DPP6: variants seen among roughly 807,000 people sequenced by gnomAD.
The protein encoded by DPP6 is A-type potassium channel modulatory protein DPP6.
Under a neutral mutation model 122.6 loss-of-function variants are expected in DPP6, and 69 were observed. The observed-to-expected ratio is 0.56, with a 90% confidence interval of 0.46 to 0.69. DPP6 has a LOEUF of 0.69. Ranked by LOEUF, DPP6 falls within the 30% of genes least tolerant of loss-of-function variation. The pLI, the probability that DPP6 is intolerant of heterozygous loss-of-function variation, is 0.00. For missense variants in DPP6, 928 were observed against 1,116.9 expected, an observed-to-expected ratio of 0.83 and a Z score of 2.41; for synonymous variants, 418 against 433.1, an observed-to-expected ratio of 0.97 and a Z score of 0.43.
At chr7:153,888,416 G>A (rs969583473) in intron 1 of DPP6, among the ~76,000 whole-genome samples, 2 of 152,194 alleles carry the variant, frequency 1.3e-5, no homozygotes, top group African/African-American at 2.4e-5. Context: ...AGTTCTGCAC[G>A]GATAACTTTC....
At chr7:153,819,683 A>C in the DPP6 span, among the ~76,000 whole-genome samples, 2 of 152,242 alleles carry the variant, frequency 1.3e-5, no homozygotes, top group Admixed American at 6.5e-5. Context: ...TAATTATTTC[A>C]TTTATAAGGA....
At chr7:154,311,816 T>C (rs936488541) in intron 1 of DPP6, among the ~76,000 whole-genome samples, 1 of 152,228 alleles carries the variant, frequency 6.6e-6, no homozygotes, top group Non-Finnish European at 1.5e-5. Context: ...CATACTTGAC[T>C]CTTCTATCAA....
intron 1 of DPP6, among the ~76,000 whole-genome samples, chr7:154,186,189 G>A (rs554385714): frequency 5.3e-5 from 8 of 151,002 alleles, no homozygotes; most frequent in Non-Finnish European, 1.2e-4. Context: ...TGTGTAGATA[G>A]GACTGGGAAC....
chr7:154,617,837 T>A (rs1347251571), intron 5 of DPP6, among the ~76,000 whole-genome samples: 6 of 152,108 alleles, frequency 3.9e-5, no homozygotes, highest in Non-Finnish European at 1.5e-5. Flanking sequence ...GAAGGTTTAG[T>A]AGCACTGGAA....
intron 1 of DPP6, among the ~76,000 whole-genome samples, chr7:154,162,634 TCTGCATTG>T (rs576652124): frequency 2.6e-5 from 4 of 152,264 alleles, no homozygotes; most frequent in African/African-American, 9.6e-5. Flanking sequence ...ACACCTGGAA[TCTGCATTG>T]CTAACATTGA....
At chr7:154,158,625 G>A (rs1459449446) in intron 1 of DPP6, among the ~76,000 whole-genome samples, 2 of 151,820 alleles carry the variant, frequency 1.3e-5, no homozygotes. Context: ...CTGTCTTTAT[G>A]AAACAACATT....
rs146393144 is a variant in DPP6 at position 154,135,936 on chromosome 7, T to A, written c.243+82873T>A. Among the ~76,000 whole-genome samples the A allele has an allele frequency of 5.0e-3, 754 of 151,276 alleles. 5 individuals carry two copies. The highest frequency in any genetic ancestry group is 0.018 in the African/African-American group (721 of 40,562). ...TTCCTGTGAGCCCACACTTCCTCTA[T>A]GCACTTCCTGTGAGCACACACTTCC... On this transcript the variant is annotated intron_variant, in intron 1 of 25. Transcript: ENST00000377770.
intron 1 of DPP6, among the ~76,000 whole-genome samples, chr7:154,070,410 G>A (rs1803034915): frequency 6.6e-6 from 1 of 152,102 alleles, no homozygotes; most frequent in Non-Finnish European, 1.5e-5. Context: ...GAAGATAGTT[G>A]TGATGCATCT....
intron 6 of DPP6, among the ~76,000 whole-genome samples, chr7:154,664,311 T>C (rs1838001565): frequency 6.6e-6 from 1 of 152,272 alleles, no homozygotes; most frequent in Non-Finnish European, 1.5e-5. Flanking sequence ...CTGCATATTA[T>C]TTCCAGTTAG....
chr7:153,953,251 C>T lies in DPP6; in HGVS notation c.51+65517C>T, dbSNP rs543794928. ...TATCTAGTTTGCATTTTATCCTCAACACCACAAGAATTAAATAAGGGTTGG... is the reference window on the plus strand; with the variant it reads ...TATCTAGTTTGCATTTTATCCTCAATACCACAAGAATTAAATAAGGGTTGG... On this transcript the variant is annotated intron_variant, in intron 1 of 25. Coordinates refer to the DPP6 transcript ENST00000404039. Among the ~76,000 whole-genome samples, 7 of 152,210 alleles carry T rather than the reference C, an allele frequency of 4.6e-5. No homozygotes were observed. In the East Asian group the frequency reaches 5.8e-4, roughly 13 times the overall value.
chr7:154,269,569 C>T (rs1170527017), intron 1 of DPP6, among the ~76,000 whole-genome samples: 2 of 152,182 alleles, frequency 1.3e-5, no homozygotes, highest in African/African-American at 4.8e-5. Flanking sequence ...ATGTATTTGA[C>T]AATTGATTTG....
intron 1 of DPP6, among the ~76,000 whole-genome samples, chr7:154,342,447 A>G (rs957436362): frequency 2.0e-5 from 3 of 152,184 alleles, no homozygotes; most frequent in African/African-American, 7.2e-5. Flanking sequence ...AAACTTTGGC[A>G]AAGTAATCAG....
rs867843474 is a variant in DPP6 at position 154,059,814 on chromosome 7, T to C, written c.243+6751T>C. Among the ~76,000 whole-genome samples the C allele has an allele frequency of 2.0e-3, 298 of 148,236 alleles. 2 individuals are homozygous for C. The highest frequency in any genetic ancestry group is 6.6e-3 in the African/African-American group (252 of 38,384). ...ACTGTGGGGCCCTGGCTGAGGCCCG[T>C]AGCCTACGTCTCTAAACAACTAGAC... On this transcript the variant is annotated intron_variant, in intron 1 of 25. Coordinates refer to ENST00000377770, the MANE Select transcript of DPP6 (RefSeq NM_130797.4).
At chr7:154,701,991 AT>A (rs771713551) in intron 7 of DPP6, among the ~76,000 whole-genome samples, 17 of 152,192 alleles carry the variant, frequency 1.1e-4, no homozygotes, top group Admixed American at 3.3e-4. Context: ...TGTTGGGACC[AT>A]TTTTCCATCA....
chr7:154,087,001 AG>A (rs1200241251), intron 1 of DPP6, among the ~76,000 whole-genome samples: 1 of 152,232 alleles, frequency 6.6e-6, no homozygotes, highest in African/African-American at 2.4e-5. Flanking sequence ...GATGTGGTTC[AG>A]GGAGACCAAT....
chr7:153,905,730 C>G (rs1207500042), intron 1 of DPP6, among the ~76,000 whole-genome samples: 1 of 152,160 alleles, frequency 6.6e-6, no homozygotes, highest in Non-Finnish European at 1.5e-5. Context: ...AGATACTTCA[C>G]TGAGAAAAGG....
intron 5 of DPP6, among the ~76,000 whole-genome samples, chr7:154,569,731 T>TA (rs60394462): frequency 0.082 from 11,603 of 142,284 alleles, 528 homozygotes; most frequent in East Asian, 0.16. Flanking sequence ...ACCACTGCAC[T>TA]AAAAAAAAAA....
intron 1 of DPP6, among the ~76,000 whole-genome samples, chr7:154,267,159 A>G (rs1475839954): frequency 6.6e-6 from 1 of 152,040 alleles, no homozygotes; most frequent in African/African-American, 2.4e-5. Flanking sequence ...GTAGAAATCT[A>G]AAACAATGCC....
At chr7:154,802,555 T>C (rs1798437200) in intron 13 of DPP6, among the ~76,000 whole-genome samples, 1 of 152,204 alleles carries the variant, frequency 6.6e-6, no homozygotes, top group Admixed American at 6.5e-5. Context: ...TTACATCACT[T>C]ATATCAAGAT....
Sources: gnomAD v4.1 joint callset for allele counts (sites outside exome capture counted in the v4.1 genomes callset) on GRCh38, gnomAD v4.1.1 for gene constraint, MANE v1.5 for transcripts, NCBI Gene and HGNC (gene_info 2026-07-23, HGNC 2026-07-21) for gene names.